EAF2: variants seen among roughly 807,000 people sequenced by gnomAD.
EAF2 encodes ELL associated factor 2.
A neutral mutation model predicts 29.4 loss-of-function variants in EAF2; 29 were observed. That is an observed-to-expected ratio of 0.99 (90% CI 0.73 to 1.35). EAF2 has a LOEUF of 1.35. Ranked by LOEUF, EAF2 falls within the 40% of genes most tolerant of loss-of-function variation. The pLI is 0.00. For missense variants in EAF2, 292 were observed against 312.0 expected, an observed-to-expected ratio of 0.94 and a Z score of 0.48; for synonymous variants, 103 against 102.5, an observed-to-expected ratio of 1.00 and a Z score of -0.03.
At chr3:121,871,273 G>A (rs1386159772) in intron 4 of EAF2, among the ~76,000 whole-genome samples, 7 of 151,624 alleles carry the variant, frequency 4.6e-5, no homozygotes, top group Admixed American at 1.3e-4. Context: ...AAAGAAGGCA[G>A]ACCAAAAAGT....
At chr3:121,859,277 C>T (rs1220319951) in intron 4 of EAF2, among the ~76,000 whole-genome samples, 9 of 152,104 alleles carry the variant, frequency 5.9e-5, no homozygotes, top group Admixed American at 4.6e-4. Flanking sequence ...GCCATTTTCA[C>T]GATATTGACT....
chr3:121,877,141 C>T (rs1315140787), intron 5 of EAF2, among the ~76,000 whole-genome samples: 4 of 151,904 alleles, frequency 2.6e-5, no homozygotes, highest in African/African-American at 7.2e-5. Context: ...AGAAAATGTT[C>T]AGTTCACCTG....
intron 1 of EAF2, among the ~76,000 whole-genome samples, chr3:121,844,017 G>A (rs1188364764): frequency 6.6e-6 from 1 of 151,882 alleles, no homozygotes; most frequent in Non-Finnish European, 1.5e-5. Context: ...AAAATTTATG[G>A]GCCAACATTC....
chr3:121,837,417 T>C (rs916195722), intron 1 of EAF2: 1 of 152,154 alleles, frequency 6.6e-6, no homozygotes, highest in Non-Finnish European at 1.5e-5. Flanking sequence ...TCTGCCTTTA[T>C]TTACAGGAGC....
At chr3:121,873,495 C>A (rs1237723742) in intron 5 of EAF2, among the ~76,000 whole-genome samples, 1 of 151,838 alleles carries the variant, frequency 6.6e-6, no homozygotes, top group African/African-American at 2.4e-5. Context: ...TCTTGCCTTA[C>A]CTACTACAAT....
At chr3:121,861,241 C>T (rs1708824244) in intron 4 of EAF2, among the ~76,000 whole-genome samples, 1 of 152,136 alleles carries the variant, frequency 6.6e-6, no homozygotes, top group African/African-American at 2.4e-5. Flanking sequence ...CCTTCTGTCT[C>T]ATTGATCTGT....
intron 5 of EAF2, among the ~76,000 whole-genome samples, chr3:121,883,736 C>T (rs990320565): frequency 6.6e-6 from 1 of 152,214 alleles, no homozygotes; most frequent in Non-Finnish European, 1.5e-5. Context: ...CAGTACTACT[C>T]TCAGTGATAA....
At chr3:121,852,687 C>A (rs1708653625) in intron 2 of EAF2, among the ~76,000 whole-genome samples, 1 of 152,138 alleles carries the variant, frequency 6.6e-6, no homozygotes, top group Admixed American at 6.6e-5. Context: ...TTTAGTAAAT[C>A]TCTAATGATT....
chr3:121,864,438 T>C (rs1358649445), intron 4 of EAF2, among the ~76,000 whole-genome samples: 1 of 152,204 alleles, frequency 6.6e-6, no homozygotes, highest in Non-Finnish European at 1.5e-5. Flanking sequence ...AATTATGATG[T>C]CTTTATATAC....
intron 1 of EAF2, among the ~76,000 whole-genome samples, chr3:121,841,501 T>A (rs1323392623): frequency 1.8e-5 from 1 of 56,014 alleles, no homozygotes; most frequent in East Asian, 3.9e-4. Flanking sequence ...GGAGACCCTG[T>A]CTCAAAAAAA....
chr3:121,860,264 C>T (rs1409724627), intron 4 of EAF2, among the ~76,000 whole-genome samples: 1 of 152,176 alleles, frequency 6.6e-6, no homozygotes, highest in Non-Finnish European at 1.5e-5. Context: ...CCTCTTTCTA[C>T]CTCTGGTAGA....
At position 121,864,943 on chromosome 3, in the gene EAF2, C is replaced by G. The variant is rs146903969; in HGVS notation, c.485-7594C>G. On this transcript the variant is annotated intron_variant, in intron 4 of 5. Coordinates refer to ENST00000273668, the MANE Select transcript of EAF2 (RefSeq NM_018456.6). ...CAAAGAATCAGACTTTTTCCTGTTA[C>G]TAAATTCTAAAAGGAATTCATCATA... is the stretch of plus-strand genomic sequence containing the variant. 1.2e-4 allele frequency among the ~76,000 whole-genome samples: 18 copies of G among 152,234 alleles called. No homozygotes were observed. In the East Asian group the frequency reaches 2.5e-3, roughly 21 times the overall value.
At chr3:121,885,818 C>T (rs2107554653) in intron 5 of EAF2, among the ~76,000 whole-genome samples, 1 of 152,194 alleles carries the variant, frequency 6.6e-6, no homozygotes, top group Middle Eastern at 3.4e-3. Flanking sequence ...AGCACTTATC[C>T]CTACTTGGCA....
chr3:121,857,000 C>T lies in EAF2; in HGVS notation c.339-11C>T. 1 of 1,601,310 alleles carries T rather than the reference C, an allele frequency of 6.2e-7. No individual in the cohort carries two copies. The highest frequency in any genetic ancestry group is 2.2e-5 in the East Asian group (1 of 44,504). On this transcript the variant is annotated splice_polypyrimidine_tract_variant and intron_variant, in intron 3 of 5. Coordinates refer to ENST00000273668, the MANE Select transcript of EAF2 (RefSeq NM_018456.6). ...CATACCTGTTTCAATATTTGATATT[C>T]TTAATTGCAGAGTTGAAGGAAGCAG... is the stretch of plus-strand genomic sequence containing the variant.
At chr3:121,870,523 A>G (rs552546783) in intron 4 of EAF2, among the ~76,000 whole-genome samples, 1 of 152,280 alleles carries the variant, frequency 6.6e-6, no homozygotes, top group Admixed American at 6.5e-5. Context: ...AGAAGGTTAC[A>G]CTTAAACCGA....
At chr3:121,849,017 G>A (rs1354416268) in intron 2 of EAF2, among the ~76,000 whole-genome samples, 2 of 152,138 alleles carry the variant, frequency 1.3e-5, no homozygotes, top group South Asian at 2.1e-4. Flanking sequence ...GATAGACTTT[G>A]TGAGGGGTTT....
chr3:121,880,405 A>G (rs1709173294), intron 5 of EAF2, among the ~76,000 whole-genome samples: 1 of 151,266 alleles, frequency 6.6e-6, no homozygotes. Flanking sequence ...GGCCTCCTAA[A>G]GCACTGAGAA....
intron 4 of EAF2, among the ~76,000 whole-genome samples, chr3:121,861,269 G>T (rs9822673): frequency 0.035 from 5,334 of 152,192 alleles, 324 homozygotes; most frequent in African/African-American, 0.12. Flanking sequence ...TGACAGTGGG[G>T]TGTTAAAGTC....
chr3:121,882,028 C>G (rs1047355815), intron 5 of EAF2, among the ~76,000 whole-genome samples: 3 of 152,034 alleles, frequency 2.0e-5, no homozygotes, highest in Admixed American at 6.6e-5. Context: ...AATAACTTGA[C>G]AAAATTCAGT....
Sources: allele counts gnomAD v4.1 joint callset (sites outside exome capture counted in the v4.1 genomes callset), GRCh38; gene constraint gnomAD v4.1.1; transcripts MANE v1.5; gene names NCBI Gene and HGNC (gene_info 2026-07-23, HGNC 2026-07-21).